The following PRKG1 variants were observed in gnomAD, a reference collection of about 807,000 sequenced individuals.
PRKG1 encodes protein kinase cGMP-dependent 1.
PRKG1 carries 35 observed loss-of-function variants against 88.1 expected under a neutral mutation model. That is an observed-to-expected ratio of 0.40 (90% CI 0.30 to 0.53). The LOEUF is 0.53. Among genes scored for constraint, PRKG1 ranks in the 20% least tolerant of loss-of-function variants. The pLI is 0.59. For synonymous variants in PRKG1, 303 were observed against 292.5 expected (o/e 1.04, Z -0.37); for missense variants, 540 against 839.8 (o/e 0.64, Z 4.41).
intron 1 of PRKG1, among the ~76,000 whole-genome samples, chr10:51,002,361 A>C (rs964576437): frequency 1.3e-5 from 2 of 152,166 alleles, no homozygotes; most frequent in African/African-American, 2.4e-5. Context: ...TAATTAATTA[A>C]ATCTTAATGT....
In PRKG1 at chr10:51,256,659, TAGAA is replaced by T. The variant is rs57881822; in HGVS notation, c.478+103333_478+103336del. On this transcript the variant is annotated intron_variant, in intron 2 of 17. Transcript: ENST00000373980. The stretch of plus-strand genomic sequence containing the variant: ...GAAGGAGGAGTAGAACATAGACAAA[TAGAA>T]AGACACAGATCCAATCCAGGAAGAT... Among the ~76,000 whole-genome samples, 523 of 151,904 alleles carry T rather than the reference TAGAA, an allele frequency of 3.4e-3. 6 individuals carry two copies. The highest frequency in any genetic ancestry group is 0.012 in the African/African-American group (504 of 41,420).
Position 52,293,906 on chromosome 10 carries a change from T to G in PRKG1, c.*6T>G. ...GATGGGATATAGACTTCTAATGTAT[T>G]TCTCTTACCTGCTTCTGCCTTGCTG... is the stretch of plus-strand genomic sequence containing the variant. On this transcript the variant is annotated 3_prime_UTR_variant, in exon 18 of 18. Transcript: ENST00000373980. The G allele has an allele frequency of 6.2e-7, 1 of 1,600,078 alleles. No individual in the cohort carries two copies. Among genetic ancestry groups the G allele is most frequent in the Non-Finnish European group, 8.6e-7 (1 of 1,168,508 alleles).
At chr10:52,253,415 A>T (rs907352948) in intron 10 of PRKG1, 9 of 152,152 alleles carry the variant, frequency 5.9e-5, no homozygotes, top group Admixed American at 1.3e-4. Context: ...TACCAAGCTG[A>T]TAGTGCAAAT....
intron 2 of PRKG1, among the ~76,000 whole-genome samples, chr10:51,223,117 T>G (rs1838595402): frequency 6.6e-6 from 1 of 152,116 alleles, no homozygotes; most frequent in Admixed American, 6.5e-5. Context: ...ACGCTGTATA[T>G]TATAGCCCCA....
At chr10:51,303,738 T>C (rs1840955299) in intron 2 of PRKG1, among the ~76,000 whole-genome samples, 1 of 152,072 alleles carries the variant, frequency 6.6e-6, no homozygotes, top group African/African-American at 2.4e-5. Flanking sequence ...AAAACATATC[T>C]TTAGAATTTA....
At chr10:51,498,601 A>G (rs1367276978) in intron 3 of PRKG1, among the ~76,000 whole-genome samples, 1 of 152,198 alleles carries the variant, frequency 6.6e-6, no homozygotes, top group African/African-American at 2.4e-5. Context: ...TTCTCTGTCA[A>G]TTATGATGAG....
intron 3 of PRKG1, among the ~76,000 whole-genome samples, chr10:51,547,336 AAT>A (rs1467836350): frequency 2.0e-5 from 3 of 150,624 alleles, no homozygotes; most frequent in African/African-American, 7.3e-5. Flanking sequence ...ATATATTAAA[AAT>A]AGTAAAATAA....
At chr10:51,335,486 A>C (rs1222474653) in intron 2 of PRKG1, among the ~76,000 whole-genome samples, 1 of 152,160 alleles carries the variant, frequency 6.6e-6, no homozygotes, top group Non-Finnish European at 1.5e-5. Context: ...ATCTTCTTCT[A>C]TATCAGAATT....
intron 1 of PRKG1, among the ~76,000 whole-genome samples, chr10:51,051,501 CTT>C (rs1264136547): frequency 2.0e-5 from 3 of 152,202 alleles, no homozygotes; most frequent in African/African-American, 7.2e-5. Context: ...GTACTCCCTT[CTT>C]TCCTATTTGC....
chr10:51,782,318 C>A (rs1413355180), intron 3 of PRKG1, among the ~76,000 whole-genome samples: 1 of 152,054 alleles, frequency 6.6e-6, no homozygotes, highest in Non-Finnish European at 1.5e-5. Context: ...GCCTCGTGAG[C>A]CAAGGAGATC....
At chr10:52,255,571 A>G (rs1411067740) in intron 10 of PRKG1, among the ~76,000 whole-genome samples, 3 of 152,046 alleles carry the variant, frequency 2.0e-5, no homozygotes, top group African/African-American at 7.2e-5. Flanking sequence ...GTTATTATGT[A>G]TATATGTAGT....
chr10:51,863,644 C>T (rs933224763), intron 4 of PRKG1, among the ~76,000 whole-genome samples: 2 of 152,084 alleles, frequency 1.3e-5, no homozygotes, highest in African/African-American at 2.4e-5. Flanking sequence ...CCATCTCCTG[C>T]TCTCTCTCAC....
At chr10:52,283,449 T>G (rs1309503457) in intron 14 of PRKG1, among the ~76,000 whole-genome samples, 1 of 152,114 alleles carries the variant, frequency 6.6e-6, no homozygotes, top group Non-Finnish European at 1.5e-5. Flanking sequence ...CATGAAACAC[T>G]TAGAAGAGTG....
intron 3 of PRKG1, among the ~76,000 whole-genome samples, chr10:51,511,284 C>G (rs2132060426): frequency 6.6e-6 from 1 of 152,074 alleles, no homozygotes; most frequent in Admixed American, 6.5e-5. Flanking sequence ...TATGAAACAC[C>G]CAGCTAATTC....
intron 5 of PRKG1, among the ~76,000 whole-genome samples, chr10:52,037,071 G>A (rs1170936685): frequency 2.6e-5 from 4 of 152,290 alleles, no homozygotes; most frequent in Non-Finnish European, 5.9e-5. Context: ...GAGTCAGTCA[G>A]CCTTGGGCCA....
At chr10:51,096,822 A>G (rs988335912) in intron 1 of PRKG1, among the ~76,000 whole-genome samples, 2 of 152,178 alleles carry the variant, frequency 1.3e-5, no homozygotes, top group African/African-American at 4.8e-5. Flanking sequence ...TCAACTGGGA[A>G]AGACTGCTTC....
intron 3 of PRKG1, among the ~76,000 whole-genome samples, chr10:51,612,182 A>G (rs1013577759): frequency 1.3e-5 from 2 of 152,108 alleles, no homozygotes; most frequent in African/African-American, 4.8e-5. Flanking sequence ...CAAAAATGAC[A>G]TTAGTATTTT....
intron 2 of PRKG1, among the ~76,000 whole-genome samples, chr10:51,378,445 T>C (rs865934877): frequency 1.2e-4 from 18 of 152,244 alleles, no homozygotes; most frequent in Non-Finnish European, 1.2e-4. Flanking sequence ...TCTGTAGACC[T>C]GAGCTAATTG....
chr10:51,859,468 T>TA (rs1200505753), intron 4 of PRKG1, among the ~76,000 whole-genome samples: 15 of 146,720 alleles, frequency 1.0e-4, no homozygotes, highest in Non-Finnish European at 1.8e-4. Context: ...AAGACATACT[T>TA]AAAAAAAAAT....
Sources: gnomAD v4.1 joint callset for allele counts (sites outside exome capture counted in the v4.1 genomes callset) on GRCh38, gnomAD v4.1.1 for gene constraint, MANE v1.5 for transcripts, NCBI Gene and HGNC (gene_info 2026-07-23, HGNC 2026-07-21) for gene names.